ART3: variants seen among roughly 807,000 people sequenced by gnomAD.
ART3 encodes the protein ecto-ADP-ribosyltransferase 3.
Under a neutral mutation model 48.5 loss-of-function variants are expected in ART3, and 49 were observed. The observed-to-expected ratio is 1.01, with a 90% CI of 0.80 to 1.28. The LOEUF (loss-of-function observed/expected upper bound fraction) is 1.28. Ranked by LOEUF, ART3 falls within the 50% of genes most tolerant of loss-of-function variation. The probability of loss-of-function intolerance (pLI) is 0.00; values close to 1 mark genes in which losing one functional copy is unlikely to be tolerated. For missense variants in ART3, 438 were observed against 454.3 expected (o/e 0.96, Z 0.33); for synonymous variants, 145 against 157.2 (o/e 0.92, Z 0.58).
intron 1 of ART3, chr4:76,021,644 T>C (rs905908311): frequency 4.2e-5 from 16 of 381,442 alleles, no homozygotes; most frequent in African/African-American, 3.1e-4. Flanking sequence ...AGGGAAATAT[T>C]TGAAGCAGGG....
At chr4:76,052,004 T>C (rs990624068) in intron 1 of ART3, among the ~76,000 whole-genome samples, 1 of 149,762 alleles carries the variant, frequency 6.7e-6, no homozygotes, top group African/African-American at 2.5e-5. Flanking sequence ...CGCCCCTGAG[T>C]TCAAGCCTTT....
chr4:76,081,588 A>G (rs1317324613), intron 2 of ART3, among the ~76,000 whole-genome samples: 1 of 152,202 alleles, frequency 6.6e-6, no homozygotes, highest in Non-Finnish European at 1.5e-5. Flanking sequence ...TACAGGCACA[A>G]TCTCACCCAT....
chr4:76,053,851 A>G (rs1405661825), intron 1 of ART3, among the ~76,000 whole-genome samples: 1 of 152,198 alleles, frequency 6.6e-6, no homozygotes. Context: ...CTTCAGCATC[A>G]CCATAAACTT....
At chr4:76,040,437 T>TACACACACACACACACGCAC (rs1553926410) in intron 1 of ART3, among the ~76,000 whole-genome samples, 3 of 88,496 alleles carry the variant, frequency 3.4e-5, no homozygotes, top group East Asian at 6.3e-4. Flanking sequence ...ATACACTGGA[T>TACACACACACACACACGCAC]ACACACACAC....
chr4:76,107,110 A>C (rs1728625393), intron 10 of ART3: 1 of 152,164 alleles, frequency 6.6e-6, no homozygotes, highest in Non-Finnish European at 1.5e-5. Context: ...AAGTGTTCTG[A>C]GCACGTTTAA....
At chr4:76,018,661 C>T (rs1732485174) in intron 1 of ART3, among the ~76,000 whole-genome samples, 1 of 152,166 alleles carries the variant, frequency 6.6e-6, no homozygotes, top group South Asian at 2.1e-4. Context: ...TCTCCCTGTG[C>T]TATGAATGGA....
chr4:76,070,652 C>G (rs1258115869), upstream of ART3, among the ~76,000 whole-genome samples: 1 of 152,152 alleles, frequency 6.6e-6, no homozygotes, highest in Admixed American at 6.5e-5. Context: ...ATTTTAAATT[C>G]AGGTAGCCCC....
At chr4:76,095,166 A>G (rs1295525467) in intron 3 of ART3, among the ~76,000 whole-genome samples, 1 of 152,184 alleles carries the variant, frequency 6.6e-6, no homozygotes, top group African/African-American at 2.4e-5. Context: ...TTAAATCCAG[A>G]GTTTAAATAG....
At chr4:76,041,125 C>T (rs1461696099) in intron 1 of ART3, 3 of 152,122 alleles carry the variant, frequency 2.0e-5, no homozygotes, top group Non-Finnish European at 2.9e-5. Flanking sequence ...AAGTCCTTTC[C>T]GTGTGTTCCA....
intron 7 of ART3, 31 bp from the exon 8 acceptor site, chr4:76,100,959 T>G: frequency 6.2e-7 from 1 of 1,612,274 alleles, no homozygotes; most frequent in East Asian, 2.2e-5. Context: ...GTTCCATTGT[T>G]AAAACTGATA....
intron 1 of ART3, among the ~76,000 whole-genome samples, chr4:76,016,735 A>ATT (rs1578189047): frequency 6.6e-6 from 1 of 152,186 alleles, no homozygotes; most frequent in African/African-American, 2.4e-5. Flanking sequence ...AAAACCTTAG[A>ATT]TATCTCCCTG....
intron 1 of ART3, chr4:76,023,601 C>T: frequency 1.8e-6 from 1 of 548,132 alleles, no homozygotes; most frequent in Middle Eastern, 2.7e-4. Flanking sequence ...AACCTGCTGG[C>T]TGTTCCTGGG....
intron 9 of ART3, 133 bp from the exon 10 acceptor site, chr4:76,104,464 T>C (rs1728026969): frequency 6.8e-7 from 1 of 1,474,424 alleles, no homozygotes; most frequent in African/African-American, 1.4e-5. Flanking sequence ...GCAGAACTTT[T>C]AAATAAAAAG....
chr4:76,082,059 T>A lies in ART3; in HGVS notation c.305T>A (p.Ile102Asn), dbSNP rs72869116. The change falls in exon 3 of 12, where the codon ATT becomes AAT. Residue 102 changes from isoleucine to asparagine, a missense_variant. Ile to Asn is a moderately radical substitution (Grantham distance 149). Around this residue, in one of 3 missense-constraint regions of ART3, gnomAD observed 206 missense variants for 205.3 expected, o/e 1.00. Coordinates refer to ENST00000355810, the MANE Select transcript of ART3 (RefSeq NM_001130016.3). ...CATGGAATAGCCCTGATGGCATATATTTCCGAAGCTCAAGAGCAAACTCCC... is the reference window on the plus strand; with the variant it reads ...CATGGAATAGCCCTGATGGCATATAATTCCGAAGCTCAAGAGCAAACTCCC... ...DNHGIALMAY[I>N]SEAQEQTPFY... 20 of 1,614,064 alleles carry A rather than the reference T, an allele frequency of 1.2e-5. No homozygotes were observed. Among genetic ancestry groups the A allele is most frequent in the South Asian group, 1.1e-4 (10 of 91,082 alleles).
chr4:76,027,914 CA>C (rs1247303887), intron 1 of ART3, among the ~76,000 whole-genome samples: 3 of 151,250 alleles, frequency 2.0e-5, no homozygotes, highest in Non-Finnish European at 4.4e-5. Flanking sequence ...CTCTGCTAAC[CA>C]AATCTCAGAT....
intron 1 of ART3, chr4:76,036,118 G>T: frequency 1.4e-6 from 1 of 718,054 alleles, no homozygotes; most frequent in Non-Finnish European, 2.4e-6. Flanking sequence ...TTATACACCA[G>T]CAATCCTTTT....
intron 1 of ART3, among the ~76,000 whole-genome samples, chr4:76,051,893 TCTC>T (rs1736134093): frequency 1.6e-5 from 2 of 128,792 alleles, no homozygotes; most frequent in African/African-American, 6.7e-5. Context: ...TATCTCTCTC[TCTC>T]TCTTTTTTTT....
At chr4:76,040,684 G>T (rs1192197744) in intron 1 of ART3, among the ~76,000 whole-genome samples, 2 of 152,070 alleles carry the variant, frequency 1.3e-5, no homozygotes, top group African/African-American at 2.4e-5. Flanking sequence ...AGAGGAGGGG[G>T]CTATCCCTCC....
At chr4:76,023,304 A>G in intron 1 of ART3, 1 of 1,248,128 alleles carries the variant, frequency 8.0e-7, no homozygotes, top group South Asian at 1.2e-5. Context: ...TTATTTCTGT[A>G]TTTTTAGAAT....
Sources: allele counts gnomAD v4.1 joint callset (sites outside exome capture counted in the v4.1 genomes callset), GRCh38; gene constraint gnomAD v4.1.1; regional missense constraint gnomAD v4.1.1; transcripts MANE v1.5; gene names NCBI Gene and HGNC (gene_info 2026-07-23, HGNC 2026-07-21).